Variants in STPG2 observed in about 807,000 individuals in gnomAD.
STPG2 encodes sperm-tail PG-rich repeat-containing protein 2.
In STPG2, 56 loss-of-function variants were observed where a neutral mutation model predicts 54.2. The ratio of observed to expected loss-of-function variants is 1.03; its 90% CI spans 0.83 to 1.29. The LOEUF is 1.29. Among genes scored for constraint, STPG2 ranks in the 50% most tolerant of loss-of-function variants. The pLI, the probability that STPG2 is intolerant of heterozygous loss-of-function variation, is 0.00. For synonymous variants in STPG2, 200 were observed against 181.8 expected, an observed-to-expected ratio of 1.10 and a Z score of -0.81; for missense variants, 596 against 544.9, an observed-to-expected ratio of 1.09 and a Z score of -0.93.
At chr4:97,602,563 A>G (rs1182484176) in intron 10 of STPG2, among the ~76,000 whole-genome samples, 1 of 151,756 alleles carries the variant, frequency 6.6e-6, no homozygotes, top group East Asian at 1.9e-4. Context: ...ATGTTTTTGG[A>G]TAGATACTCT....
intron 5 of STPG2, among the ~76,000 whole-genome samples, chr4:98,067,465 G>A (rs1168500981): frequency 6.6e-6 from 1 of 152,094 alleles, no homozygotes; most frequent in Non-Finnish European, 1.5e-5. Context: ...GAACAGTATT[G>A]CTGATTATTA....
At chr4:97,931,687 G>GT (rs1218776329) in intron 8 of STPG2, among the ~76,000 whole-genome samples, 1 of 151,692 alleles carries the variant, frequency 6.6e-6, no homozygotes, top group African/African-American at 2.4e-5. Context: ...GTTGTTTGTT[G>GT]TTTTTTTATC....
intron 1 of STPG2, among the ~76,000 whole-genome samples, chr4:98,137,156 T>A (rs1740156106): frequency 6.6e-6 from 1 of 151,728 alleles, no homozygotes. Context: ...TGGAAAAAGT[T>A]ATAACATGCA....
intron 10 of STPG2, among the ~76,000 whole-genome samples, chr4:97,679,946 G>A (rs2148977795): frequency 6.6e-6 from 1 of 151,758 alleles, no homozygotes; most frequent in South Asian, 2.1e-4. Flanking sequence ...TAGATATGTG[G>A]CGTTATTTCT....
chr4:97,878,887 T>C (rs1036668606), intron 8 of STPG2, among the ~76,000 whole-genome samples: 22 of 152,344 alleles, frequency 1.4e-4, no homozygotes, highest in South Asian at 6.2e-4. Context: ...TTTTATGCTC[T>C]GTTTCCCTTT....
In STPG2 at chr4:97,722,329, A is replaced by G. The variant is rs189864207; in HGVS notation, c.1205-9515T>C. Among the ~76,000 whole-genome samples, 4 of 152,296 alleles carry G rather than the reference A, an allele frequency of 2.6e-5. No individual in the cohort carries two copies. In the East Asian group the frequency reaches 7.7e-4, roughly 29 times the overall value. ...GGGAAATGGTGAGTTCTACACTTAG[A>G]TGAAATCTGATACTACATTATTTCC... On this transcript the variant is annotated intron_variant, in intron 9 of 10. Coordinates refer to ENST00000295268, the MANE Select transcript of STPG2 (RefSeq NM_174952.3).
At chr4:97,694,967 A>T (rs2148992402) in intron 10 of STPG2, among the ~76,000 whole-genome samples, 1 of 151,964 alleles carries the variant, frequency 6.6e-6, no homozygotes, top group South Asian at 2.1e-4. Flanking sequence ...AGAAAGAGGG[A>T]ATCCTTCCTA....
At chr4:97,584,430 T>C (rs1317297323) in intron 10 of STPG2, among the ~76,000 whole-genome samples, 1 of 151,608 alleles carries the variant, frequency 6.6e-6, no homozygotes, top group Non-Finnish European at 1.5e-5. Context: ...TCAAAAAGTC[T>C]GAGAGAGCAG....
At chr4:98,130,637 A>G (rs1739959871) in intron 2 of STPG2, among the ~76,000 whole-genome samples, 1 of 151,906 alleles carries the variant, frequency 6.6e-6, no homozygotes, top group South Asian at 2.1e-4. Context: ...AACTTTCCAA[A>G]ATAGGCCAGG....
chr4:97,679,803 A>G (rs1032022897), intron 10 of STPG2, among the ~76,000 whole-genome samples: 2 of 152,144 alleles, frequency 1.3e-5, no homozygotes, highest in African/African-American at 4.8e-5. Context: ...GAATTTTTGT[A>G]TAAGGTGTAA....
intron 8 of STPG2, among the ~76,000 whole-genome samples, chr4:97,888,245 C>A (rs920810439): frequency 1.3e-5 from 2 of 152,188 alleles, no homozygotes; most frequent in Non-Finnish European, 2.9e-5. Context: ...CCACCATCCT[C>A]CAGACCCCAG....
intron 8 of STPG2, among the ~76,000 whole-genome samples, chr4:97,913,496 C>T (rs1376315959): frequency 6.6e-6 from 1 of 152,112 alleles, no homozygotes; most frequent in Non-Finnish European, 1.5e-5. Flanking sequence ...ACATAAATAA[C>T]TTATTGGGTT....
intron 9 of STPG2, among the ~76,000 whole-genome samples, chr4:97,747,259 A>G (rs150732812): frequency 6.6e-6 from 1 of 151,476 alleles, no homozygotes; most frequent in African/African-American, 2.4e-5. Context: ...TCAAAACTTC[A>G]TATTAGTTAT....
chr4:97,797,926 G>A (rs1727254199), intron 9 of STPG2, among the ~76,000 whole-genome samples: 1 of 152,178 alleles, frequency 6.6e-6, no homozygotes, highest in African/African-American at 2.4e-5. Flanking sequence ...GAGGGTGTAT[G>A]TGTCCAGGAA....
intron 8 of STPG2, among the ~76,000 whole-genome samples, chr4:97,869,421 T>C (rs1729903595): frequency 6.6e-6 from 1 of 151,678 alleles, no homozygotes; most frequent in South Asian, 2.1e-4. Flanking sequence ...TACAAGAAGG[T>C]AAATATTTTG....
intron 9 of STPG2, among the ~76,000 whole-genome samples, chr4:97,760,492 T>C (rs1725857516): frequency 6.6e-6 from 1 of 152,168 alleles, no homozygotes; most frequent in African/African-American, 2.4e-5. Flanking sequence ...AAGGATTATA[T>C]AGAGAAGCCA....
chr4:97,446,366 G>A (rs1729221792), intron 4 of STPG2, among the ~76,000 whole-genome samples: 2 of 152,138 alleles, frequency 1.3e-5, no homozygotes, highest in African/African-American at 4.8e-5. Context: ...ATTACACCTT[G>A]GAGCCATAAA....
rs915348696 is a variant in STPG2 at position 98,058,274 on chromosome 4, T to TA, written c.612+47678dup. Among the ~76,000 whole-genome samples, 13 of 152,094 alleles carry TA rather than the reference T, an allele frequency of 8.5e-5. No individual in the cohort carries two copies. In the East Asian group the frequency reaches 1.4e-3, roughly 16 times the overall value. The stretch of plus-strand genomic sequence containing the variant: ...TAAAGGCACAGAGTGGCAAGCTAAA[T>TA]AAAAAAGCAAGATCCATTGGTATGC... On this transcript the variant is annotated intron_variant, in intron 5 of 10. Coordinates refer to ENST00000295268, the MANE Select transcript of STPG2 (RefSeq NM_174952.3).
intron 9 of STPG2, among the ~76,000 whole-genome samples, chr4:97,738,201 C>T (rs1725086350): frequency 6.6e-6 from 1 of 152,056 alleles, no homozygotes; most frequent in Admixed American, 6.5e-5. Context: ...GAAAAGAGCT[C>T]CTGAAGGAAG....
Sources: gnomAD v4.1 joint callset for allele counts (sites outside exome capture counted in the v4.1 genomes callset) on GRCh38, gnomAD v4.1.1 for gene constraint, MANE v1.5 for transcripts, NCBI Gene and HGNC (gene_info 2026-07-23, HGNC 2026-07-21) for gene names.